Variants in STIM1 observed in about 807,000 individuals in gnomAD.
The protein encoded by STIM1 is stromal interaction molecule 1.
Under a neutral mutation model 74.7 loss-of-function variants are expected in STIM1, and 25 were observed. That is an observed-to-expected ratio of 0.33 (90% CI 0.24 to 0.47). The LOEUF (loss-of-function observed/expected upper bound fraction) is 0.47, where lower values mean the gene tolerates loss of function less well. Ranked by LOEUF, STIM1 falls within the 20% of genes least tolerant of loss-of-function variation. The pLI is 1.00. For synonymous variants in STIM1, 328 were observed against 348.8 expected (o/e 0.94, Z 0.66); for missense variants, 728 against 920.8 (o/e 0.79, Z 2.71).
chr11:3,925,254 G>A (rs959363416), intron 1 of STIM1, among the ~76,000 whole-genome samples: 1 of 152,242 alleles, frequency 6.6e-6, no homozygotes, highest in South Asian at 2.1e-4. Context: ...AATTAGCTGG[G>A]CATGGTGGCG....
chr11:3,856,538 G>C, intron 1 of STIM1, 129 bp downstream of exon 1: 3 of 1,128,652 alleles, frequency 2.7e-6, no homozygotes, highest in Non-Finnish European at 3.7e-6. Context: ...GGCACTGCCT[G>C]TTCCAAGTAG....
At chr11:4,024,753 C>T (rs569235888) in intron 3 of STIM1, among the ~76,000 whole-genome samples, 1 of 152,150 alleles carries the variant, frequency 6.6e-6, no homozygotes, top group Non-Finnish European at 1.5e-5. Context: ...TTAATGAAAA[C>T]TTCAGATTTC....
chr11:4,092,010 G>T lies in STIM1; in HGVS notation c.*212G>T. The T allele has an allele frequency of 1.5e-6, 1 of 666,550 alleles. No homozygotes were observed. Among genetic ancestry groups the T allele is most frequent in the Non-Finnish European group, 2.6e-6 (1 of 390,092 alleles). The allele number at this position is 666,550 out of a possible 1,614,324, so 41.3% of individuals were successfully genotyped here. On this transcript the variant is annotated 3_prime_UTR_variant, in exon 13 of 13. Transcript: ENST00000526596. ...ACCATGGCCTGCCTGCCCTGCCTCC[G>T]TCCCAACCATGGGCTGCTGCTGTCA...
intron 1 of STIM1, among the ~76,000 whole-genome samples, chr11:3,942,954 T>G (rs992730571): frequency 1.3e-5 from 2 of 152,286 alleles, no homozygotes; most frequent in East Asian, 3.9e-4. Context: ...AGTTAGGTTC[T>G]TTACAGAGTT....
intron 1 of STIM1, among the ~76,000 whole-genome samples, chr11:3,858,350 A>C (rs961321181): frequency 6.6e-6 from 1 of 151,886 alleles, no homozygotes; most frequent in Non-Finnish European, 1.5e-5. Context: ...TATATTTCAG[A>C]GGCCTGGCTA....
At chr11:4,055,068 A>T (rs955511838) in intron 3 of STIM1, among the ~76,000 whole-genome samples, 1 of 152,210 alleles carries the variant, frequency 6.6e-6, no homozygotes, top group African/African-American at 2.4e-5. Context: ...GAATGGATGG[A>T]TGGATAATTG....
chr11:3,971,870 C>T (rs952772957), intron 2 of STIM1, among the ~76,000 whole-genome samples: 4 of 152,128 alleles, frequency 2.6e-5, no homozygotes, highest in South Asian at 2.1e-4. Flanking sequence ...AAATGTTAAC[C>T]GGCCCTGCTC....
chr11:3,895,727 TTTC>T (rs1590538618), intron 1 of STIM1, among the ~76,000 whole-genome samples: 5 of 37,804 alleles, frequency 1.3e-4, no homozygotes, highest in African/African-American at 6.9e-4. Context: ...TCTTTCTTTC[TTTC>T]TTTCTTTTTC....
intron 2 of STIM1, among the ~76,000 whole-genome samples, chr11:4,013,305 C>T (rs956814449): frequency 4.6e-5 from 7 of 152,134 alleles, no homozygotes; most frequent in African/African-American, 1.7e-4. Flanking sequence ...ATGGTACCAG[C>T]TCCTCTTTGT....
chr11:3,971,358 T>C (rs1162523409), intron 2 of STIM1, among the ~76,000 whole-genome samples: 3 of 151,690 alleles, frequency 2.0e-5, no homozygotes, highest in Non-Finnish European at 2.9e-5. Flanking sequence ...TGAAACCCCG[T>C]CTCTACTAAA....
intron 1 of STIM1, among the ~76,000 whole-genome samples, chr11:3,915,283 T>G (rs2092626391): frequency 6.6e-6 from 1 of 152,188 alleles, no homozygotes; most frequent in African/African-American, 2.4e-5. Context: ...AGAGACGAGA[T>G]TTTGCTATGT....
chr11:3,879,254 C>T (rs1172537226), intron 1 of STIM1, among the ~76,000 whole-genome samples: 2 of 152,174 alleles, frequency 1.3e-5, no homozygotes, highest in Admixed American at 1.3e-4. Context: ...CTGCGTCCAG[C>T]GTTTCATACC....
At chr11:3,914,869 C>A (rs1276882793) in intron 1 of STIM1, among the ~76,000 whole-genome samples, 2 of 152,120 alleles carry the variant, frequency 1.3e-5, no homozygotes, top group Non-Finnish European at 2.9e-5. Context: ...TTCCCATCAG[C>A]AGTGTATAAG....
intron 5 of STIM1, among the ~76,000 whole-genome samples, chr11:4,067,906 G>T (rs1475267727): frequency 2.0e-5 from 3 of 152,168 alleles, no homozygotes; most frequent in Admixed American, 6.5e-5. Flanking sequence ...GCATATATAG[G>T]CAAGTGATGA....
At chr11:3,996,995 A>G (rs2093668760) in intron 2 of STIM1, among the ~76,000 whole-genome samples, 1 of 152,238 alleles carries the variant, frequency 6.6e-6, no homozygotes, top group African/African-American at 2.4e-5. Flanking sequence ...TCCTTTCATA[A>G]AACAAAGGTT....
chr11:3,998,890 C>T (rs1458578726), intron 2 of STIM1, among the ~76,000 whole-genome samples: 2 of 152,112 alleles, frequency 1.3e-5, no homozygotes, highest in Admixed American at 1.3e-4. Flanking sequence ...CTTGATGTGT[C>T]TAGAGCAGGC....
intron 1 of STIM1, among the ~76,000 whole-genome samples, chr11:3,937,844 G>A (rs954589479): frequency 6.6e-6 from 1 of 152,014 alleles, no homozygotes; most frequent in Non-Finnish European, 1.5e-5. Context: ...TAGAGCTTGG[G>A]ACATCCCTTC....
intron 1 of STIM1, among the ~76,000 whole-genome samples, chr11:3,862,478 A>G (rs2090653904): frequency 1.3e-5 from 2 of 152,082 alleles, no homozygotes; most frequent in South Asian, 2.1e-4. Flanking sequence ...GGGAGTATTT[A>G]TCCACCACCT....
chr11:4,011,367 C>T (rs1036654824), intron 2 of STIM1, among the ~76,000 whole-genome samples: 1 of 152,218 alleles, frequency 6.6e-6, no homozygotes, highest in Non-Finnish European at 1.5e-5. Flanking sequence ...TCTCCACATC[C>T]TTTCCAGCAT....
Sources: allele counts gnomAD v4.1 joint callset (sites outside exome capture counted in the v4.1 genomes callset), GRCh38; gene constraint gnomAD v4.1.1; transcripts MANE v1.5; gene names NCBI Gene and HGNC (gene_info 2026-07-23, HGNC 2026-07-21).